The following FRMPD4 variants were observed in gnomAD, a reference collection of about 807,000 sequenced individuals.
FRMPD4 encodes FERM and PDZ domain containing 4, also known as FERM and PDZ domain-containing protein 4.
A neutral mutation model predicts 94.1 loss-of-function variants in FRMPD4; 22 were observed. The ratio of observed to expected loss-of-function variants is 0.23; its 90% CI spans 0.17 to 0.33. FRMPD4 has a LOEUF of 0.33. Among genes scored for constraint, FRMPD4 ranks in the 10% least tolerant of loss-of-function variants. FRMPD4 has a pLI of 1.00. For missense variants in FRMPD4, 1,111 were observed against 1,339.9 expected, an observed-to-expected ratio of 0.83 and a Z score of 2.67; for synonymous variants, 631 against 548.6, an observed-to-expected ratio of 1.15 and a Z score of -2.10.
At chrX:11,865,849 A>C (rs998084723) in intron 2 of FRMPD4, among the ~76,000 whole-genome samples, 1 of 112,235 alleles carries the variant, frequency 8.9e-6, no homozygotes, top group African/African-American at 3.2e-5. Flanking sequence ...AGTCTTTGAC[A>C]TGTAACTATT....
At chrX:12,400,468 GT>G (rs1422087954) in intron 1 of FRMPD4, among the ~76,000 whole-genome samples, 1 of 111,906 alleles carries the variant, frequency 8.9e-6, no homozygotes. Context: ...CAAGCGCCAT[GT>G]CATATGTGAT....
At chrX:12,302,246 C>T (rs2054872760) in intron 1 of FRMPD4, among the ~76,000 whole-genome samples, 1 of 112,037 alleles carries the variant, frequency 8.9e-6, no homozygotes, top group African/African-American at 3.2e-5. Flanking sequence ...CTTGCTCTGT[C>T]ATGATAGTTT....
At chrX:12,223,795 G>A (rs967485919) in intron 1 of FRMPD4, among the ~76,000 whole-genome samples, 4 of 112,043 alleles carry the variant, frequency 3.6e-5, no homozygotes, top group African/African-American at 1.3e-4. Context: ...GCATTTCCCT[G>A]ATGACTAACG....
At chrX:11,973,228 C>T (rs1449428260) in intron 3 of FRMPD4, among the ~76,000 whole-genome samples, 1 of 112,515 alleles carries the variant, frequency 8.9e-6, no homozygotes, top group Non-Finnish European at 1.9e-5. Flanking sequence ...CCATCTATAG[C>T]TATGAATAAA....
chrX:12,148,174 T>C (rs1166608615), intron 1 of FRMPD4, among the ~76,000 whole-genome samples: 5 of 112,291 alleles, frequency 4.5e-5, no homozygotes, highest in African/African-American at 1.6e-4. Context: ...GAAGGCATGT[T>C]GAAAGCTGAG....
chrX:12,716,001 T>TGGGGGGCCCCCCCCC, intron 14 of FRMPD4, 68 bp from the exon 15 acceptor site: 1 of 231,656 alleles, frequency 4.3e-6, no homozygotes. Context: ...GAGACGAGCC[T>TGGGGGGCCCCCCCCC]CCCACCCCCG....
intron 4 of FRMPD4, among the ~76,000 whole-genome samples, chrX:12,667,112 T>C (rs1158410961): frequency 8.9e-6 from 1 of 112,377 alleles, no homozygotes; most frequent in African/African-American, 3.2e-5. Flanking sequence ...TTTCAAGAAG[T>C]TACATTAGAA....
At chrX:12,072,480 G>A (rs990495006) in intron 3 of FRMPD4, among the ~76,000 whole-genome samples, 1 of 111,604 alleles carries the variant, frequency 9.0e-6, no homozygotes, top group Non-Finnish European at 1.9e-5. Context: ...AAATAACATG[G>A]CTTTGTGCAC....
chrX:12,186,818 C>T, intron 1 of FRMPD4, among the ~76,000 whole-genome samples: 1 of 112,119 alleles, frequency 8.9e-6, no homozygotes, highest in Admixed American at 9.4e-5. Context: ...TCCACTTGCA[C>T]CATTGTATAT....
chrX:11,850,616 G>T (rs745630115), intron 1 of FRMPD4, among the ~76,000 whole-genome samples: 1 of 112,409 alleles, frequency 8.9e-6, no homozygotes, highest in Non-Finnish European at 1.9e-5. Flanking sequence ...TTATTATTCA[G>T]TCTTAAAAAG....
At chrX:12,524,127 C>G (rs750518974) in intron 2 of FRMPD4, among the ~76,000 whole-genome samples, 1 of 111,809 alleles carries the variant, frequency 8.9e-6, no homozygotes, top group Non-Finnish European at 1.9e-5. Flanking sequence ...TGCACCCCAG[C>G]CTGGGTGACA....
intron 2 of FRMPD4, chrX:12,583,403 G>A: frequency 1.8e-6 from 2 of 1,113,975 alleles, no homozygotes; most frequent in Non-Finnish European, 2.5e-6. Context: ...CGCCAGTACT[G>A]GGCACACTCA....
rs755614648 is a variant in FRMPD4 at position 11,868,416 on chromosome X, TG to T, written c.-30+3201del. On this transcript the variant is annotated intron_variant, in intron 2 of 18. Coordinates refer to the FRMPD4 transcript ENST00000640291. ...TTATGGCTCACATCTGGTTATAAGA[TG>T]ATCAGGCCACCTATGCATTTGGGAA... is the stretch of plus-strand genomic sequence containing the variant. Among the ~76,000 whole-genome samples the T allele has an allele frequency of 7.9e-4, 89 of 112,006 alleles. 2 individuals carry two copies. The highest frequency in any genetic ancestry group is 9.6e-4 in the Non-Finnish European group (51 of 53,211).
rs188000142 is a variant in FRMPD4, at chrX:12,296,673, T to C, written c.41+157661T>C. ...CAGCAGGTTGGACTTGCCTGAGTTA[T>C]TTAGATTCAACTAACCCTGGCCATA... On this transcript the variant is annotated intron_variant, in intron 1 of 16. Coordinates refer to ENST00000675598, the MANE Select transcript of FRMPD4 (RefSeq NM_001368397.1). Among the ~76,000 whole-genome samples the C allele has an allele frequency of 2.3e-3, 255 of 112,377 alleles. 1 individual carries two copies. Among genetic ancestry groups the C allele is most frequent in the Admixed American group, 7.4e-3 (79 of 10,701 alleles).
intron 3 of FRMPD4, among the ~76,000 whole-genome samples, chrX:12,024,205 GT>G (rs1484415651): frequency 1.8e-5 from 2 of 111,361 alleles, no homozygotes; most frequent in Non-Finnish European, 3.8e-5. Flanking sequence ...GCTCTAATTT[GT>G]TTATTGCCTG....
rs55973946 is a variant in FRMPD4 at position 11,930,107 on chromosome X, C to CAAAAAAAAAAAAAA, written c.95+52103_95+52116dup. On this transcript the variant is annotated intron_variant, in intron 3 of 18. Coordinates refer to the FRMPD4 transcript ENST00000640291. ...TGGGCAACAGAGTGAGACTCTGTCT[C>CAAAAAAAAAAAAAA]AAAAAAAAAAAAAAAAAAAAAAAAA... 2.0e-3 allele frequency among the ~76,000 whole-genome samples: 27 copies of CAAAAAAAAAAAAAA among 13,257 alleles called. 6 individuals carry two copies. Among genetic ancestry groups the CAAAAAAAAAAAAAA allele is most frequent in the Admixed American group, 2.7e-3 (2 of 730 alleles). 11.5% of individuals were successfully genotyped at this position (13,257 alleles called of 115,157 possible).
At chrX:11,947,924 T>TA (rs3214130) in intron 3 of FRMPD4, among the ~76,000 whole-genome samples, 2 of 106,204 alleles carry the variant, frequency 1.9e-5, no homozygotes, top group Non-Finnish European at 3.9e-5. Context: ...CGTCTCTATT[T>TA]AAAAAAAATA....
chrX:12,336,820 G>A (rs751783660), intron 1 of FRMPD4, among the ~76,000 whole-genome samples: 7 of 112,273 alleles, frequency 6.2e-5, no homozygotes, highest in African/African-American at 2.3e-4. Context: ...TTAGCTGCAA[G>A]GATAGGAAAA....
At chrX:12,174,838 C>T (rs1189007384) in intron 1 of FRMPD4, among the ~76,000 whole-genome samples, 3 of 112,305 alleles carry the variant, frequency 2.7e-5, no homozygotes, top group African/African-American at 9.7e-5. Flanking sequence ...TGGTTTAGCT[C>T]CTTCCTTCTT....
Sources: gnomAD v4.1 joint callset for allele counts (sites outside exome capture counted in the v4.1 genomes callset) on GRCh38, gnomAD v4.1.1 for gene constraint, MANE v1.5 for transcripts, NCBI Gene and HGNC (gene_info 2026-07-23, HGNC 2026-07-21) for gene names.